Variants in UBE3C observed in about 807,000 individuals in gnomAD.
UBE3C encodes ubiquitin protein ligase E3C.
In UBE3C, 42 loss-of-function variants were observed where a neutral mutation model predicts 129.4. That is an observed-to-expected ratio of 0.32 (90% CI 0.25 to 0.42). The LOEUF (loss-of-function observed/expected upper bound fraction) is 0.42. UBE3C is among the 10% of genes least tolerant of loss of function. The probability of loss-of-function intolerance (pLI) is 1.00; values close to 1 mark genes in which losing one functional copy is unlikely to be tolerated. For synonymous variants in UBE3C, 510 were observed against 492.4 expected, an observed-to-expected ratio of 1.04 and a Z score of -0.47; for missense variants, 1,049 against 1,319.1, an observed-to-expected ratio of 0.80 and a Z score of 3.17.
Position 157,212,381 on chromosome 7 carries a change from C to T in UBE3C, c.1809+4446C>T, listed in dbSNP as rs148713734. On this transcript the variant is annotated intron_variant, in intron 13 of 22. Transcript: ENST00000348165. ...GGTTGCAATACTATATCTAAATATC[C>T]GTCATCTCCATACAGAAATGTCACA... Among the ~76,000 whole-genome samples the T allele has an allele frequency of 4.6e-5, 7 of 152,256 alleles. No individual in the cohort carries two copies. In the East Asian group the frequency reaches 7.7e-4, roughly 17 times the overall value.
chr7:157,257,129 C>T, intron 22 of UBE3C, 85 bp downstream of exon 22: 1 of 1,530,146 alleles, frequency 6.5e-7, no homozygotes, highest in Non-Finnish European at 8.9e-7. Context: ...AAATGAAGTC[C>T]TTTTACATAC....
chr7:157,161,520 C>T (rs1018905530), intron 1 of UBE3C, among the ~76,000 whole-genome samples: 1 of 151,152 alleles, frequency 6.6e-6, no homozygotes, highest in African/African-American at 2.4e-5. Context: ...GGCACAATCT[C>T]GGCTCACTGC....
intron 6 of UBE3C, among the ~76,000 whole-genome samples, chr7:157,179,566 C>G (rs187749543): frequency 6.6e-6 from 1 of 152,136 alleles, no homozygotes; most frequent in Non-Finnish European, 1.5e-5. Context: ...CCTTTGGTCT[C>G]GACATCCTCA....
rs776334295 is a variant in UBE3C, at chr7:157,163,899, T to G, written c.120+36T>G. The stretch of plus-strand genomic sequence containing the variant: ...TTTTGTAATACTCTGTAGATAAGCA[T>G]TTTTTCTACAGCATTTAAACATGCC... On this transcript the variant is annotated intron_variant, in intron 2 of 22. Coordinates refer to ENST00000348165, the MANE Select transcript of UBE3C (RefSeq NM_014671.3). The G allele has an allele frequency of 2.7e-5, 43 of 1,591,400 alleles. No individual in the cohort carries two copies. The South Asian group carries it at 4.6e-4, about 17-fold the overall frequency.
intron 1 of UBE3C, among the ~76,000 whole-genome samples, chr7:157,143,297 G>T (rs965195237): frequency 6.6e-6 from 1 of 152,150 alleles, no homozygotes; most frequent in African/African-American, 2.4e-5. Flanking sequence ...ATATCACGGG[G>T]TCATCTGATT....
chr7:157,204,207 A>C (rs540339270), intron 11 of UBE3C, among the ~76,000 whole-genome samples: 1 of 152,108 alleles, frequency 6.6e-6, no homozygotes, highest in Admixed American at 6.6e-5. Flanking sequence ...GTTTAAAATG[A>C]AATAACTGAT....
At chr7:157,244,645 CAG>C (rs1254566760) in intron 18 of UBE3C, among the ~76,000 whole-genome samples, 8 of 152,162 alleles carry the variant, frequency 5.3e-5, no homozygotes, top group Admixed American at 4.6e-4. Flanking sequence ...TGGCGGCAAA[CAG>C]AAATGGTCTG....
At chr7:157,259,063 G>A (rs1434703211) in intron 22 of UBE3C, among the ~76,000 whole-genome samples, 1 of 152,212 alleles carries the variant, frequency 6.6e-6, no homozygotes, top group Non-Finnish European at 1.5e-5. Context: ...ATTGAACTCT[G>A]ACATACGGCA....
chr7:157,192,528 GTA>G (rs1354152222), intron 10 of UBE3C: 1 of 763,020 alleles, frequency 1.3e-6, no homozygotes, highest in East Asian at 2.4e-5. Flanking sequence ...GAAGATGGAT[GTA>G]CTGTCTGACT....
At chr7:157,204,398 C>CAAAAAAAAAA (rs35298527) in intron 11 of UBE3C, among the ~76,000 whole-genome samples, 1,851 of 86,048 alleles carry the variant, frequency 0.022, 41 homozygotes, top group Middle Eastern at 0.04. Flanking sequence ...AACTTTGTTT[C>CAAAAAAAAAA]AAAAAAAAAA....
intron 22 of UBE3C, 128 bp downstream of exon 22, chr7:157,257,172 T>C: frequency 1.5e-6 from 2 of 1,293,374 alleles, no homozygotes; most frequent in South Asian, 3.0e-5. Flanking sequence ...AGATTTTTAA[T>C]TAAGTACTGG....
At chr7:157,233,265 C>T (rs1257731078) in intron 18 of UBE3C, among the ~76,000 whole-genome samples, 14 of 152,168 alleles carry the variant, frequency 9.2e-5, no homozygotes, top group Admixed American at 9.2e-4. Context: ...AATCTTATTT[C>T]ATTGTATGGA....
chr7:157,266,052 C>T (rs1257055586), intron 22 of UBE3C, among the ~76,000 whole-genome samples: 5 of 152,172 alleles, frequency 3.3e-5, no homozygotes, highest in African/African-American at 7.2e-5. Context: ...CGGTGGCTCA[C>T]GCCTGTAATC....
intron 11 of UBE3C, among the ~76,000 whole-genome samples, chr7:157,205,644 C>T (rs1809411439): frequency 6.6e-6 from 1 of 152,140 alleles, no homozygotes; most frequent in African/African-American, 2.4e-5. Context: ...TGTGCTTTGT[C>T]CCTTTTTGAA....
At chr7:157,147,808 C>T (rs1025007939) in intron 1 of UBE3C, among the ~76,000 whole-genome samples, 3 of 152,098 alleles carry the variant, frequency 2.0e-5, no homozygotes, top group Non-Finnish European at 4.4e-5. Flanking sequence ...TGTGATTTTC[C>T]TTCTGCAGCT....
rs532090159 is a variant in UBE3C at position 157,157,425 on chromosome 7, G to T, written c.67-6385G>T. Among the ~76,000 whole-genome samples, 32 of 152,192 alleles carry T rather than the reference G, an allele frequency of 2.1e-4. 1 individual carries two copies. The South Asian group carries it at 5.8e-3, about 28-fold the overall frequency. On this transcript the variant is annotated intron_variant, in intron 1 of 22. Transcript: ENST00000348165. ...AGATAATCAAATGAAAAAATTAAAT[G>T]ATTCAAACTGTGGAAACATAAAAAG...
chr7:157,249,906 C>T (rs1259236772), intron 19 of UBE3C, among the ~76,000 whole-genome samples: 3 of 152,184 alleles, frequency 2.0e-5, no homozygotes, highest in African/African-American at 7.2e-5. Context: ...CCAAAACTTT[C>T]TGAGTGCCAA....
At chr7:157,247,647 G>A (rs1039975384) in intron 18 of UBE3C, among the ~76,000 whole-genome samples, 4 of 151,954 alleles carry the variant, frequency 2.6e-5, no homozygotes, top group East Asian at 1.9e-4. Flanking sequence ...AGCTGAGATC[G>A]CGCGGCTGCA....
intron 18 of UBE3C, among the ~76,000 whole-genome samples, chr7:157,246,863 G>A (rs1796489468): frequency 6.6e-6 from 1 of 152,144 alleles, no homozygotes; most frequent in South Asian, 2.1e-4. Context: ...TAGGATCACT[G>A]TAAATACACA....
Sources: gnomAD v4.1 joint callset for allele counts (sites outside exome capture counted in the v4.1 genomes callset) on GRCh38, gnomAD v4.1.1 for gene constraint, MANE v1.5 for transcripts, NCBI Gene and HGNC (gene_info 2026-07-23, HGNC 2026-07-21) for gene names.